The following XPR1 variants were observed in gnomAD, a reference collection of about 807,000 sequenced individuals.
XPR1 encodes xenotropic and polytropic retrovirus receptor 1.
In XPR1, 28 loss-of-function variants were observed where a neutral mutation model predicts 87.5. The observed-to-expected ratio is 0.32, with a 90% confidence interval of 0.24 to 0.44. The LOEUF (loss-of-function observed/expected upper bound fraction) is 0.44. Among genes scored for constraint, XPR1 ranks in the 20% least tolerant of loss-of-function variants. XPR1 has a pLI of 1.00. For missense variants in XPR1, 559 were observed against 862.3 expected, an observed-to-expected ratio of 0.65 and a Z score of 4.41; for synonymous variants, 300 against 306.1, an observed-to-expected ratio of 0.98 and a Z score of 0.21.
intron 2 of XPR1, among the ~76,000 whole-genome samples, chr1:180,780,570 C>T (rs994297326): frequency 6.6e-6 from 1 of 151,834 alleles, no homozygotes; most frequent in Admixed American, 6.6e-5. Context: ...GCAAGAGTTC[C>T]ATCCTGGCTA....
chr1:180,723,704 C>G (rs1001837576), intron 2 of XPR1, among the ~76,000 whole-genome samples: 1 of 152,158 alleles, frequency 6.6e-6, no homozygotes, highest in South Asian at 2.1e-4. Flanking sequence ...TGTCCTTTAT[C>G]TGTTATGCCC....
intron 2 of XPR1, among the ~76,000 whole-genome samples, chr1:180,695,235 A>G (rs1025724495): frequency 5.3e-5 from 8 of 152,070 alleles, no homozygotes; most frequent in African/African-American, 1.9e-4. Context: ...CCACTTTGTA[A>G]TGGGATTGCT....
rs555948082 is a variant in XPR1 at position 180,825,492 on chromosome 1, A to T, written c.1134+148A>T. On this transcript the variant is annotated intron_variant, in intron 9 of 14. Transcript: ENST00000367590. ...GTGAGTGGAGGCCCTGGGAAAAAGT[A>T]CTCACGTATATTTTCCTCCTGAGAT... is the stretch of plus-strand genomic sequence containing the variant. 6 of 739,168 alleles carry T rather than the reference A, an allele frequency of 8.1e-6. No homozygotes were observed. The South Asian group carries it at 1.4e-4, about 17-fold the overall frequency. 45.8% of individuals were successfully genotyped at this position (739,168 alleles called of 1,614,324 possible). A position where few individuals can be genotyped will look rare whatever the true frequency, so the allele number is the denominator to read the frequency against.
chr1:180,761,565 A>T (rs982529595), intron 2 of XPR1, among the ~76,000 whole-genome samples: 4 of 152,236 alleles, frequency 2.6e-5, no homozygotes, highest in African/African-American at 7.2e-5. Flanking sequence ...TCAAAACCAC[A>T]ATGAGATACC....
Position 180,679,181 on chromosome 1 carries a change from C to T in XPR1, c.70-3179C>T, listed in dbSNP as rs574730930. On this transcript the variant is annotated intron_variant, in intron 1 of 14. Transcript: ENST00000367590. ...CTGCACTCCAGCCTGGGTGACAGAG[C>T]GAGACTCCATCTCAAAAAACAAAAA... Among the ~76,000 whole-genome samples, 14 of 151,262 alleles carry T rather than the reference C, an allele frequency of 9.3e-5. No individual in the cohort carries two copies. In the East Asian group the frequency reaches 9.9e-4, roughly 11 times the overall value.
intron 7 of XPR1, 76 bp from the exon 8 acceptor site, chr1:180,824,677 G>A (rs1197155312): frequency 1.5e-6 from 2 of 1,299,740 alleles, no homozygotes; most frequent in African/African-American, 3.0e-5. Context: ...ATATCATTGA[G>A]AATGAAGACA....
chr1:180,659,588 CA>C (rs1219350331), intron 1 of XPR1, among the ~76,000 whole-genome samples: 1 of 128,190 alleles, frequency 7.8e-6, no homozygotes, highest in African/African-American at 3.1e-5. Flanking sequence ...CCAGCCACCG[CA>C]CCCCCACCCC....
In XPR1 at chr1:180,873,956, T is replaced by G. The variant is rs764022938; in HGVS notation, c.1808+14T>G. 2.4e-5 allele frequency: 39 copies of G among 1,606,792 alleles called. No homozygotes were observed. The highest frequency in any genetic ancestry group is 3.3e-5 in the Non-Finnish European group (39 of 1,177,072). ...TGAGGTTTTCCGGTAAGCAAACTAC[T>G]GAAAAGTTTATTAAAGATTCTTTTT... is the stretch of plus-strand genomic sequence containing the variant. On this transcript the variant is annotated intron_variant, in intron 13 of 14. Coordinates refer to ENST00000367590, the MANE Select transcript of XPR1 (RefSeq NM_004736.4).
intron 9 of XPR1, among the ~76,000 whole-genome samples, chr1:180,831,362 C>CTTTTT (rs753235095): frequency 6.2e-4 from 71 of 115,432 alleles, no homozygotes; most frequent in Middle Eastern, 9.6e-3. Flanking sequence ...TTTTCTTTTT[C>CTTTTT]TTTTTTTTTT....
At chr1:180,673,747 C>T (rs140909096) in intron 1 of XPR1, among the ~76,000 whole-genome samples, 93 of 152,322 alleles carry the variant, frequency 6.1e-4, no homozygotes, top group Admixed American at 1.2e-3. Context: ...TCCCCTGCCA[C>T]CCTGGTCTTT....
intron 10 of XPR1, among the ~76,000 whole-genome samples, chr1:180,835,935 T>A (rs1209442294): frequency 1.3e-5 from 2 of 152,212 alleles, no homozygotes; most frequent in Non-Finnish European, 2.9e-5. Flanking sequence ...TCTAATTTTC[T>A]TACAGTTTTA....
chr1:180,785,302 G>A (rs1649101441), intron 2 of XPR1, among the ~76,000 whole-genome samples: 1 of 151,812 alleles, frequency 6.6e-6, no homozygotes, highest in African/African-American at 2.4e-5. Context: ...ACAGGCACGA[G>A]CCACCATGCC....
intron 2 of XPR1, among the ~76,000 whole-genome samples, chr1:180,713,328 T>A (rs1042918152): frequency 6.6e-6 from 1 of 152,208 alleles, no homozygotes; most frequent in Admixed American, 6.5e-5. Flanking sequence ...TAAAGATTTT[T>A]ATATATTGAT....
chr1:180,850,775 T>C (rs1651838836), intron 11 of XPR1, among the ~76,000 whole-genome samples: 1 of 152,022 alleles, frequency 6.6e-6, no homozygotes, highest in South Asian at 2.1e-4. Flanking sequence ...TTGGGCAACA[T>C]AGTGAGACCT....
At chr1:180,808,472 A>T (rs73040986) in intron 6 of XPR1, among the ~76,000 whole-genome samples, 1,855 of 152,224 alleles carry the variant, frequency 0.012, 40 homozygotes, top group African/African-American at 0.042. Context: ...CAAAATTAAA[A>T]AACGTATGCT....
chr1:180,646,887 T>C (rs67189426), intron 1 of XPR1, among the ~76,000 whole-genome samples: 1 of 151,988 alleles, frequency 6.6e-6, no homozygotes, highest in African/African-American at 2.4e-5. Flanking sequence ...CAATCCTCTT[T>C]CTACTATAAA....
chr1:180,775,816 C>T (rs1648693411), intron 2 of XPR1, among the ~76,000 whole-genome samples: 1 of 151,864 alleles, frequency 6.6e-6, no homozygotes, highest in Admixed American at 6.6e-5. Flanking sequence ...AAAAAAAATC[C>T]CCTTTTTATT....
At chr1:180,850,398 C>T (rs1651828147) in intron 11 of XPR1, among the ~76,000 whole-genome samples, 2 of 152,078 alleles carry the variant, frequency 1.3e-5, no homozygotes, top group Admixed American at 1.3e-4. Flanking sequence ...GTTAACTAAC[C>T]ATAATATGGA....
intron 2 of XPR1, among the ~76,000 whole-genome samples, chr1:180,697,525 T>C (rs1237299575): frequency 6.6e-6 from 1 of 152,156 alleles, no homozygotes; most frequent in East Asian, 1.9e-4. Context: ...CTTTTCTAGT[T>C]CATTGAGGTG....
Sources: gnomAD v4.1 joint callset for allele counts (sites outside exome capture counted in the v4.1 genomes callset) on GRCh38, gnomAD v4.1.1 for gene constraint, MANE v1.5 for transcripts, NCBI Gene and HGNC (gene_info 2026-07-23, HGNC 2026-07-21) for gene names.